Variants in DEPDC4 observed in about 807,000 individuals in gnomAD.
The protein encoded by DEPDC4 is DEP domain containing 4.
Under a neutral mutation model 52.0 loss-of-function variants are expected in DEPDC4, and 52 were observed. That is an observed-to-expected ratio of 1.00 (90% CI 0.80 to 1.26). The LOEUF is 1.26. DEPDC4 is among the 50% of genes most tolerant of loss of function. The pLI, the probability that DEPDC4 is intolerant of heterozygous loss-of-function variation, is 0.00. For synonymous variants in DEPDC4, 201 were observed against 196.8 expected, an observed-to-expected ratio of 1.02 and a Z score of -0.18; for missense variants, 530 against 546.9, an observed-to-expected ratio of 0.97 and a Z score of 0.31.
chr12:100,261,858 A>C, intron 3 of DEPDC4: 1 of 451,822 alleles, frequency 2.2e-6, no homozygotes, highest in East Asian at 6.9e-5. Flanking sequence ...TAAAAATATT[A>C]GTGGTTGCCT....
intron 8 of DEPDC4, among the ~76,000 whole-genome samples, chr12:100,245,819 T>C (rs1447830112): frequency 6.6e-6 from 1 of 152,226 alleles, no homozygotes; most frequent in African/African-American, 2.4e-5. Context: ...TCCTTAAAAA[T>C]AATTTTTAAT....
the DEPDC4 span, among the ~76,000 whole-genome samples, chr12:100,279,565 T>G: frequency 4.6e-5 from 7 of 152,378 alleles, 1 homozygote; most frequent in Admixed American, 4.6e-4. Flanking sequence ...GTGTCTTTCA[T>G]GACTATTGGG....
At position 100,241,715 on chromosome 12, in the gene DEPDC4, T is replaced by C; in HGVS notation, c.*177A>G. ...GGTGTTTTTGAAATTCCTTAATTAA[T>C]TTCTTTTTTCGTTTCAGAGAGATGC... On this transcript the variant is annotated 3_prime_UTR_variant, in exon 10 of 10. Transcript: ENST00000550587. 2 of 1,261,948 alleles carry C rather than the reference T, an allele frequency of 1.6e-6. No homozygotes were observed. Among genetic ancestry groups the C allele is most frequent in the Non-Finnish European group, 2.0e-6 (2 of 977,140 alleles). 78.2% of individuals were successfully genotyped at this position (1,261,948 alleles called of 1,614,324 possible). A position where few individuals can be genotyped will look rare whatever the true frequency, so the allele number is the denominator to read the frequency against.
At chr12:100,234,260 A>T (rs911049323) in intron 9 of DEPDC4, among the ~76,000 whole-genome samples, 1 of 152,200 alleles carries the variant, frequency 6.6e-6, no homozygotes, top group Non-Finnish European at 1.5e-5. Flanking sequence ...GCAGTCAGAG[A>T]GAGATACTAG....
chr12:100,278,620 TG>T, the DEPDC4 span, among the ~76,000 whole-genome samples: 3 of 150,040 alleles, frequency 2.0e-5, no homozygotes, highest in African/African-American at 7.5e-5. Flanking sequence ...CTGCCAAATT[TG>T]GGGAAATTCT....
At position 100,263,829 on chromosome 12, in the gene DEPDC4, T is replaced by C. The variant is rs1350181757; in HGVS notation, c.222A>G (p.Gln74=). 4 of 1,614,158 alleles carry C rather than the reference T, an allele frequency of 2.5e-6. No homozygotes were observed. Among genetic ancestry groups the C allele is most frequent in the Non-Finnish European group, 2.5e-6 (3 of 1,180,012 alleles). ...GATGCCTCCTTCTTTTTATTTCCAC[T>C]TGGGCCTGAAGAGAGTGAATAATAC... ...WDGIIHSLQA[Q]VEIKRRRHHL... is the part of the protein sequence containing the mutation. The change falls in exon 2 of 10, where the codon CAA becomes CAG. Residue 74 remains glutamine (Q), a synonymous_variant. Transcript: ENST00000550587.
Position 100,261,850 on chromosome 12 carries a change from A to G in DEPDC4, c.700+414T>C, listed in dbSNP as rs192748327. 8.8e-6 allele frequency: 4 copies of G among 453,462 alleles called. No individual in the cohort carries two copies. In the Admixed American group the frequency reaches 9.5e-5, roughly 11 times the overall value. The allele number at this position is 453,462 out of a possible 1,614,324, so 28.1% of individuals were successfully genotyped here. ...AAAACGTCAGTTCTTGGAAACAGTAAAAATATTAGTGGTTGCCTAAGGTTA... is the reference window on the plus strand; with the variant it reads ...AAAACGTCAGTTCTTGGAAACAGTAGAAATATTAGTGGTTGCCTAAGGTTA... On this transcript the variant is annotated intron_variant, in intron 3 of 9. Transcript: ENST00000550587.
intron 3 of DEPDC4, among the ~76,000 whole-genome samples, chr12:100,258,022 T>C (rs1019822722): frequency 7.6e-5 from 11 of 144,924 alleles, no homozygotes; most frequent in African/African-American, 2.8e-4. Flanking sequence ...GATAGATAGA[T>C]AGGGTCTTGC....
Position 100,252,499 on chromosome 12 carries a change from T to C in DEPDC4, c.1143A>G (p.Gln381=). The C allele has an allele frequency of 6.2e-7, 1 of 1,608,690 alleles. No individual in the cohort carries two copies. Among genetic ancestry groups the C allele is most frequent in the Non-Finnish European group, 8.5e-7 (1 of 1,179,366 alleles). The change falls in exon 6 of 10, where the codon CAA becomes CAG. Residue 381 remains glutamine (Q), a synonymous_variant. Coordinates refer to ENST00000550587, the MANE Select transcript of DEPDC4 (RefSeq NM_001364818.2). ...TCAGCAACAGCAATCTTAGATATAG[T>C]TGTGTTGCTTCAAGTGCTTCTGCTC... is the stretch of plus-strand genomic sequence containing the variant. The part of the protein sequence containing the change: ...EKRAEALEAT[Q]LYLRLLLLNI...
chr12:100,253,699 T>C lies in DEPDC4; in HGVS notation c.895A>G (p.Asn299Asp), dbSNP rs1026293813. ...TACTCCAAGCATTCAATTGCTGCAT[T>C]AAGCCAGTTATCGATTCTAGAGGGA... is the stretch of plus-strand genomic sequence containing the variant. ...LCLPEIDNWL[N>D]AAIECLEYFP... The change falls in exon 5 of 10, where the codon AAT (asparagine) becomes GAT (aspartate). Residue 299 changes from asparagine to aspartate, a missense_variant. Physicochemically the swap from Asn to Asp is conservative, Grantham distance 23. Coordinates refer to ENST00000550587, the MANE Select transcript of DEPDC4 (RefSeq NM_001364818.2). 1.6e-6 allele frequency: 2 copies of C among 1,288,870 alleles called. No homozygotes were observed. Among genetic ancestry groups the C allele is most frequent in the East Asian group, 5.5e-5 (1 of 18,020 alleles). The allele number at this position is 1,288,870 out of a possible 1,614,324, so 79.8% of individuals were successfully genotyped here. A position where few individuals can be genotyped will look rare whatever the true frequency, so the allele number is the denominator to read the frequency against.
chr12:100,278,742 G>C, the DEPDC4 span, among the ~76,000 whole-genome samples: 3 of 149,780 alleles, frequency 2.0e-5, no homozygotes, highest in African/African-American at 7.4e-5. Flanking sequence ...CAATTCTTCT[G>C]CCTCAGCCTC....
At chr12:100,254,319 CTTTTTTTTT>C (rs67921438) in intron 4 of DEPDC4, among the ~76,000 whole-genome samples, 7 of 89,436 alleles carry the variant, frequency 7.8e-5, no homozygotes, top group Admixed American at 1.3e-4. Context: ...TTTTTTTTGA[CTTTTTTTTT>C]TTTTTTTTTT....
In DEPDC4 at chr12:100,252,279, A is replaced by G. The variant is rs1430875969; in HGVS notation, c.1271T>C (p.Leu424Pro). The change falls in exon 7 of 10, where the codon CTG becomes CCG. Residue 424 changes from leucine to proline, a missense_variant. Leu to Pro is a moderately conservative substitution (Grantham distance 98, BLOSUM62 -3). Transcript: ENST00000550587. The stretch of plus-strand genomic sequence containing the variant: ...CAAAACTGATTTGGCAAGAGTTTTC[A>G]GGACCACTGTTTTATTATCATACTG... ...QKQYDNKTVV[L>P]KTLAKSVLQA... 1 of 1,429,864 alleles carries G rather than the reference A, an allele frequency of 7.0e-7. No individual in the cohort carries two copies. Among genetic ancestry groups the G allele is most frequent in the Non-Finnish European group, 9.2e-7 (1 of 1,091,872 alleles). The allele number at this position is 1,429,864 out of a possible 1,614,324, so 88.6% of individuals were successfully genotyped here.
At position 100,252,544 on chromosome 12, in the gene DEPDC4, A is replaced by G. The variant is rs910374742; in HGVS notation, c.1106-8T>C. ...CTGCTCTTTTCTCATTTTCTGTTATATAGGTTACAAAGAAAACAAAGCATA... is the reference window on the plus strand; with the variant it reads ...CTGCTCTTTTCTCATTTTCTGTTATGTAGGTTACAAAGAAAACAAAGCATA... On this transcript the variant is annotated splice_polypyrimidine_tract_variant and splice_region_variant and intron_variant, in intron 5 of 9. Transcript: ENST00000550587. 7.6e-6 allele frequency: 12 copies of G among 1,584,666 alleles called. No individual in the cohort carries two copies. The highest frequency in any genetic ancestry group is 9.4e-6 in the Non-Finnish European group (11 of 1,168,856).
chr12:100,243,001 C>T (rs975124884), intron 8 of DEPDC4, among the ~76,000 whole-genome samples: 7 of 152,120 alleles, frequency 4.6e-5, no homozygotes, highest in Non-Finnish European at 8.8e-5. Context: ...CAGGTGGTAC[C>T]AAATCCTATA....
upstream of DEPDC4, among the ~76,000 whole-genome samples, chr12:100,271,281 A>AAAAAAAAAAAAAG (rs869276181): frequency 7.8e-6 from 1 of 128,906 alleles, no homozygotes; most frequent in African/African-American, 2.8e-5. Flanking sequence ...AAAAAAAAAA[A>AAAAAAAAAAAAAG]AGAGAGAGAG....
rs1269964441 is a variant in DEPDC4 at position 100,240,779 on chromosome 12, G to A, written c.*1113C>T. ...TTAAATCTACTTCATGTGGCCGGGTGTGGTGGCTCACGCCTGTAATCCCAG... is the reference window on the plus strand; with the variant it reads ...TTAAATCTACTTCATGTGGCCGGGTATGGTGGCTCACGCCTGTAATCCCAG... On this transcript the variant is annotated 3_prime_UTR_variant, in exon 10 of 10. Coordinates refer to ENST00000550587, the MANE Select transcript of DEPDC4 (RefSeq NM_001364818.2). Among the ~76,000 whole-genome samples the A allele has an allele frequency of 6.6e-6, 1 of 152,218 alleles. No individual in the cohort carries two copies. Among genetic ancestry groups the A allele is most frequent in the African/African-American group, 2.4e-5 (1 of 41,458 alleles).
intron 3 of DEPDC4, 128 bp downstream of exon 3, chr12:100,262,136 C>G: frequency 1.2e-6 from 1 of 848,848 alleles, no homozygotes. Context: ...TGAGTGGAAG[C>G]AAGGGGTATG....
At chr12:100,237,497 T>C (rs1035320095), downstream of DEPDC4, among the ~76,000 whole-genome samples, 1 of 152,164 alleles carries the variant, frequency 6.6e-6, no homozygotes, top group Non-Finnish European at 1.5e-5. Context: ...TGTGAGCCAC[T>C]GCACCTAGCC....
Sources: allele counts gnomAD v4.1 joint callset (sites outside exome capture counted in the v4.1 genomes callset), GRCh38; gene constraint gnomAD v4.1.1; transcripts MANE v1.5; gene names NCBI Gene and HGNC (gene_info 2026-07-23, HGNC 2026-07-21).